SPATA9: variants seen among roughly 807,000 people sequenced by gnomAD.
SPATA9 encodes the protein spermatogenesis associated 9.
A neutral mutation model predicts 25.5 loss-of-function variants in SPATA9; 27 were observed. The ratio of observed to expected loss-of-function variants is 1.06; its 90% confidence interval spans 0.78 to 1.46. The LOEUF (loss-of-function observed/expected upper bound fraction) is 1.46. Among genes scored for constraint, SPATA9 ranks in the 40% most tolerant of loss-of-function variants. The probability of loss-of-function intolerance (pLI) is 0.00; values close to 1 mark genes in which losing one functional copy is unlikely to be tolerated. For missense variants in SPATA9, 282 were observed against 297.5 expected, an observed-to-expected ratio of 0.95 and a Z score of 0.38; for synonymous variants, 102 against 105.7, an observed-to-expected ratio of 0.97 and a Z score of 0.21.
At chr5:95,706,503 A>C in the SPATA9 span, among the ~76,000 whole-genome samples, 1 of 151,978 alleles carries the variant, frequency 6.6e-6, no homozygotes, top group Admixed American at 6.6e-5. Context: ...AGAATCCTGT[A>C]CAGCCTGCAG....
intron 3 of SPATA9, chr5:95,670,995 C>T (rs1195509833): frequency 7.2e-6 from 5 of 694,510 alleles, no homozygotes; most frequent in Non-Finnish European, 8.9e-6. Context: ...TTCTTCCTAA[C>T]CCCAGCCCCC....
the SPATA9 span, among the ~76,000 whole-genome samples, chr5:95,715,076 A>G: frequency 6.6e-6 from 1 of 152,198 alleles, no homozygotes; most frequent in South Asian, 2.1e-4. Flanking sequence ...CTGTAATCCC[A>G]GCACTTTGGG....
chr5:95,671,621 G>A (rs1468580032), intron 3 of SPATA9, among the ~76,000 whole-genome samples: 1 of 152,110 alleles, frequency 6.6e-6, no homozygotes, highest in Non-Finnish European at 1.5e-5. Flanking sequence ...TGTTAGCCAG[G>A]CTGGTCTTGA....
intron 3 of SPATA9, among the ~76,000 whole-genome samples, chr5:95,672,907 T>G (rs1182637649): frequency 6.6e-6 from 1 of 152,220 alleles, no homozygotes; most frequent in Non-Finnish European, 1.5e-5. Flanking sequence ...CTCATTCCTG[T>G]GCAGATTGGC....
At chr5:95,698,213 G>C (rs1358353483) in intron 1 of SPATA9, among the ~76,000 whole-genome samples, 1 of 152,174 alleles carries the variant, frequency 6.6e-6, no homozygotes, top group African/African-American at 2.4e-5. Context: ...GCGATCAGAT[G>C]GGAATTACAT....
chr5:95,656,053 A>G (rs767195650), downstream of SPATA9: 2 of 1,612,246 alleles, frequency 1.2e-6, no homozygotes, highest in South Asian at 1.1e-5. Flanking sequence ...CAGGATTTTG[A>G]TGGACGACCG....
chr5:95,729,873 C>A, the SPATA9 span, among the ~76,000 whole-genome samples: 3 of 152,184 alleles, frequency 2.0e-5, no homozygotes, highest in Non-Finnish European at 4.4e-5. Context: ...CGCTAATCAT[C>A]CATTACATGT....
upstream of SPATA9, among the ~76,000 whole-genome samples, chr5:95,686,378 T>C (rs1008461761): frequency 6.6e-6 from 1 of 152,002 alleles, no homozygotes; most frequent in African/African-American, 2.4e-5. Flanking sequence ...TCCAAAATTA[T>C]ATGTACACAA....
At chr5:95,692,279 A>T (rs1753914327) in intron 1 of SPATA9, among the ~76,000 whole-genome samples, 2 of 152,112 alleles carry the variant, frequency 1.3e-5, no homozygotes, top group Admixed American at 6.5e-5. Flanking sequence ...ATATTTTTTT[A>T]AAAAGCTAGT....
Position 95,682,520 on chromosome 5 carries a change from C to A in SPATA9, c.150+8G>T. 6.4e-7 allele frequency: 1 copy of A among 1,565,560 alleles called. No individual in the cohort carries two copies. The highest frequency in any genetic ancestry group is 1.2e-5 in the South Asian group (1 of 86,744). On this transcript the variant is annotated splice_region_variant and intron_variant, in intron 2 of 4. Transcript: ENST00000274432. ...CTATTCCTTTTAAAGGTTATAAAAT[C>A]ACATTACCTGATTAGACTGTGATAA... is the stretch of plus-strand genomic sequence containing the variant.
In SPATA9 at chr5:95,682,926, A is replaced by C; in HGVS notation, c.-72T>G. ...TGGGTAATGCTTGTCCTAGTCTGCCATTAGTGAAAGATGAGGGTAGCCTTC... is the reference window on the plus strand; with the variant it reads ...TGGGTAATGCTTGTCCTAGTCTGCCCTTAGTGAAAGATGAGGGTAGCCTTC... On this transcript the variant is annotated 5_prime_UTR_variant, in exon 1 of 5. An upstream start codon of the reference 5' UTR is lost. Coordinates refer to ENST00000274432, the MANE Select transcript of SPATA9 (RefSeq NM_031952.4). 1 of 1,421,594 alleles carries C rather than the reference A, an allele frequency of 7.0e-7. No homozygotes were observed. Among genetic ancestry groups the C allele is most frequent in the East Asian group, 2.5e-5 (1 of 40,202 alleles). 88.1% of individuals were successfully genotyped at this position (1,421,594 alleles called of 1,614,324 possible).
the SPATA9 span, among the ~76,000 whole-genome samples, chr5:95,715,114 A>C: frequency 6.6e-6 from 1 of 152,160 alleles, no homozygotes; most frequent in Non-Finnish European, 1.5e-5. Flanking sequence ...TCACGAGGTC[A>C]GGAGATCAAG....
At chr5:95,653,316 G>A, downstream of SPATA9, 2 of 1,483,846 alleles carry the variant, frequency 1.3e-6, no homozygotes. Flanking sequence ...GCAAAACCAA[G>A]TGGACCACCT....
chr5:95,683,093 A>G (rs551670199), upstream of SPATA9: 3 of 995,844 alleles, frequency 3.0e-6, no homozygotes, highest in South Asian at 1.0e-4. Context: ...GTTTGGAGGC[A>G]TAAGGGAAGG....
chr5:95,731,776 T>A, the SPATA9 span: 1 of 1,604,224 alleles, frequency 6.2e-7, no homozygotes, highest in Non-Finnish European at 8.5e-7. Context: ...CGCCGCGCGC[T>A]GTCCCCCGCA....
downstream of SPATA9, among the ~76,000 whole-genome samples, chr5:95,653,858 A>G (rs180707357): frequency 1.8e-4 from 27 of 152,322 alleles, no homozygotes; most frequent in Admixed American, 1.7e-3. Context: ...AGATCGTGCT[A>G]CTGCACTCCA....
intron 3 of SPATA9, among the ~76,000 whole-genome samples, chr5:95,669,581 T>TA (rs1752170367): frequency 6.6e-6 from 1 of 152,158 alleles, no homozygotes; most frequent in African/African-American, 2.4e-5. Flanking sequence ...GCATACAAAG[T>TA]AAAAACAGTC....
intron 4 of SPATA9, among the ~76,000 whole-genome samples, chr5:95,660,665 T>A (rs1158649674): frequency 6.6e-6 from 1 of 152,118 alleles, no homozygotes; most frequent in Admixed American, 6.5e-5. Flanking sequence ...GAAAGTTCTA[T>A]CCTATTTGAA....
chr5:95,662,109 CA>C (rs2112558951), intron 4 of SPATA9, among the ~76,000 whole-genome samples: 1 of 151,256 alleles, frequency 6.6e-6, no homozygotes, highest in Non-Finnish European at 1.5e-5. Flanking sequence ...ACAGAGAATC[CA>C]TAAACAGACC....
Sources: gnomAD v4.1 joint callset for allele counts (sites outside exome capture counted in the v4.1 genomes callset) on GRCh38, gnomAD v4.1.1 for gene constraint, MANE v1.5 for transcripts, NCBI Gene and HGNC (gene_info 2026-07-23, HGNC 2026-07-21) for gene names.